SUPT3H: variants seen among roughly 807,000 people sequenced by gnomAD.
The protein encoded by SUPT3H is transcription initiation protein SPT3 homolog.
In SUPT3H, 44 loss-of-function variants were observed where a neutral mutation model predicts 44.3. That is an observed-to-expected ratio of 0.99 (90% confidence interval 0.78 to 1.28). SUPT3H has a LOEUF of 1.28. Ranked by LOEUF, SUPT3H falls within the 50% of genes most tolerant of loss-of-function variation. The pLI is 0.00. For synonymous variants in SUPT3H, 124 were observed against 125.6 expected (o/e 0.99, Z 0.09); for missense variants, 380 against 387.1 (o/e 0.98, Z 0.15).
At chr6:44,941,912 G>A (rs1170346052) in intron 9 of SUPT3H, among the ~76,000 whole-genome samples, 1 of 152,080 alleles carries the variant, frequency 6.6e-6, no homozygotes, top group Non-Finnish European at 1.5e-5. Flanking sequence ...GTATAAATGA[G>A]TAGAAAAATA....
At chr6:45,165,832 G>A (rs1015747606) in intron 2 of SUPT3H, among the ~76,000 whole-genome samples, 1 of 151,656 alleles carries the variant, frequency 6.6e-6, no homozygotes, top group African/African-American at 2.4e-5. Context: ...TGAAAGAAAG[G>A]GAACAGAGAA....
intron 9 of SUPT3H, among the ~76,000 whole-genome samples, chr6:44,950,219 G>T (rs1203406804): frequency 6.6e-6 from 1 of 152,070 alleles, no homozygotes; most frequent in Non-Finnish European, 1.5e-5. Context: ...TCAGACACCT[G>T]CCCCCTTTCC....
rs145684530 is a variant in SUPT3H, at chr6:45,148,184, T to C, written c.102-42178A>G. 1.7e-3 allele frequency among the ~76,000 whole-genome samples: 252 copies of C among 152,316 alleles called. 3 individuals carry two copies. Among genetic ancestry groups the C allele is most frequent in the African/African-American group, 5.9e-3 (246 of 41,584 alleles). On this transcript the variant is annotated intron_variant, in intron 2 of 10. Transcript: ENST00000371459. ...TTCTCCAGATGGGATGATTTCTAAA[T>C]AGGAGTTATAGAAAATTCCTTCCTT... is the stretch of plus-strand genomic sequence containing the variant.
intron 6 of SUPT3H, among the ~76,000 whole-genome samples, chr6:45,003,400 A>T (rs543726456): frequency 6.6e-6 from 1 of 152,204 alleles, no homozygotes; most frequent in Non-Finnish European, 1.5e-5. Flanking sequence ...TCAGATCCAG[A>T]GTAGGGAAAC....
chr6:45,184,447 C>T (rs1021556457), intron 2 of SUPT3H, among the ~76,000 whole-genome samples: 4 of 152,038 alleles, frequency 2.6e-5, no homozygotes, highest in Non-Finnish European at 5.9e-5. Flanking sequence ...CCAAATATTA[C>T]TCCACTATAA....
At chr6:45,121,942 C>T (rs1180778593) in intron 2 of SUPT3H, among the ~76,000 whole-genome samples, 2 of 151,884 alleles carry the variant, frequency 1.3e-5, no homozygotes, top group East Asian at 1.9e-4. Context: ...TCCCAAAGTG[C>T]TGGGATTACA....
At chr6:45,213,390 G>A (rs1382892690) in intron 2 of SUPT3H, among the ~76,000 whole-genome samples, 1 of 152,042 alleles carries the variant, frequency 6.6e-6, no homozygotes, top group Non-Finnish European at 1.5e-5. Flanking sequence ...AAAGAAAAAT[G>A]AACTGTTTTA....
At chr6:45,207,681 T>C (rs534581851) in intron 2 of SUPT3H, among the ~76,000 whole-genome samples, 10 of 152,320 alleles carry the variant, frequency 6.6e-5, no homozygotes, top group Non-Finnish European at 1.2e-4. Flanking sequence ...GCACCTGTTA[T>C]AGTGATCTGT....
chr6:45,087,219 C>T (rs1312829692), intron 3 of SUPT3H, among the ~76,000 whole-genome samples: 16 of 151,696 alleles, frequency 1.1e-4, no homozygotes, highest in Admixed American at 5.9e-4. Flanking sequence ...GCATTATTTT[C>T]GTTGGTTATT....
chr6:44,894,703 G>A (rs938044121), intron 10 of SUPT3H, among the ~76,000 whole-genome samples: 9 of 151,388 alleles, frequency 5.9e-5, no homozygotes, highest in East Asian at 1.9e-4. Flanking sequence ...TTGGTGATGC[G>A]GTTTTTCAAA....
chr6:44,969,732 C>T (rs967475838), intron 6 of SUPT3H, among the ~76,000 whole-genome samples: 3 of 152,186 alleles, frequency 2.0e-5, no homozygotes, highest in African/African-American at 7.2e-5. Flanking sequence ...GCAATTTTCA[C>T]TGAATTACAT....
chr6:44,893,227 ATTTT>A (rs568518046), intron 10 of SUPT3H, among the ~76,000 whole-genome samples: 1 of 151,790 alleles, frequency 6.6e-6, no homozygotes, highest in East Asian at 1.9e-4. Flanking sequence ...ATAAAAATGT[ATTTT>A]TTTTAATTAT....
chr6:45,219,766 C>A (rs1157769403), intron 2 of SUPT3H, among the ~76,000 whole-genome samples: 1 of 152,080 alleles, frequency 6.6e-6, no homozygotes, highest in East Asian at 1.9e-4. Flanking sequence ...AATTGCCAGG[C>A]GCAGCAGCTC....
intron 6 of SUPT3H, among the ~76,000 whole-genome samples, chr6:44,999,023 AT>A (rs5875904): frequency 0.37 from 55,585 of 151,252 alleles, 10,794 homozygotes; most frequent in Admixed American, 0.43. Context: ...TGCCTCTGTG[AT>A]TTTTTTTCCC....
chr6:45,287,773 C>G (rs963961330), intron 2 of SUPT3H, among the ~76,000 whole-genome samples: 2 of 152,152 alleles, frequency 1.3e-5, no homozygotes, highest in African/African-American at 4.8e-5. Context: ...TAATGTATCA[C>G]TACAATTTTG....
rs565639060 is a variant in SUPT3H, at chr6:44,902,748, C to A, written c.912+29905G>T. 3.5e-4 allele frequency among the ~76,000 whole-genome samples: 53 copies of A among 152,312 alleles called. 1 individual carries two copies. The highest frequency in any genetic ancestry group is 3.4e-3 in the Middle Eastern group (1 of 294). ...ATACATTCTTCTCAGCACCACACTG[C>A]ACTTACTCCAAAATTGACCACATAG... On this transcript the variant is annotated intron_variant, in intron 10 of 10. Coordinates refer to ENST00000371459, the MANE Select transcript of SUPT3H (RefSeq NM_003599.4).
chr6:45,159,857 TG>T lies in SUPT3H; in HGVS notation c.102-53852del, dbSNP rs1307070436. Among the ~76,000 whole-genome samples, 27 of 152,310 alleles carry T rather than the reference TG, an allele frequency of 1.8e-4. No individual in the cohort carries two copies. The Middle Eastern group carries it at 0.01, about 58-fold the overall frequency. On this transcript the variant is annotated intron_variant, in intron 2 of 10. Transcript: ENST00000371459. ...TCAGGAATTTTTCAAAAACAATTAT[TG>T]GTCTGAGCTTTTTTCTTGAAGACCA...
At chr6:45,311,782 G>T (rs1371056204) in intron 2 of SUPT3H, among the ~76,000 whole-genome samples, 1 of 152,030 alleles carries the variant, frequency 6.6e-6, no homozygotes, top group African/African-American at 2.4e-5. Context: ...CCATTACCAA[G>T]CAACCACTAA....
intron 2 of SUPT3H, among the ~76,000 whole-genome samples, chr6:45,184,775 G>GAAAAAAAA (rs55652227): frequency 7.8e-6 from 1 of 128,580 alleles, no homozygotes; most frequent in African/African-American, 3.0e-5. Flanking sequence ...ACAGGCAGAG[G>GAAAAAAAA]AAAAAAAAAA....
Sources: allele counts gnomAD v4.1 joint callset (sites outside exome capture counted in the v4.1 genomes callset), GRCh38; gene constraint gnomAD v4.1.1; transcripts MANE v1.5; gene names NCBI Gene and HGNC (gene_info 2026-07-23, HGNC 2026-07-21).